Variants in CDH3 observed in about 807,000 individuals in gnomAD.
CDH3 encodes cadherin-3.
A neutral mutation model predicts 82.0 loss-of-function variants in CDH3; 54 were observed. The observed-to-expected ratio is 0.66, with a 90% CI of 0.53 to 0.83. The LOEUF is 0.83. CDH3 is among the 40% of genes least tolerant of loss of function. The probability of loss-of-function intolerance (pLI) is 0.00; values close to 1 mark genes in which losing one functional copy is unlikely to be tolerated. For missense variants in CDH3, 1,054 were observed against 1,084.6 expected (o/e 0.97, Z 0.40); for synonymous variants, 446 against 437.9 (o/e 1.02, Z -0.23).
chr16:68,694,944 C>G (rs1961673166), intron 13 of CDH3, among the ~76,000 whole-genome samples: 1 of 152,132 alleles, frequency 6.6e-6, no homozygotes. Flanking sequence ...TGCATAGAGT[C>G]TGCCAGGTGA....
intron 1 of CDH3, among the ~76,000 whole-genome samples, chr16:68,714,496 C>T (rs1336144709): frequency 6.6e-6 from 1 of 152,108 alleles, no homozygotes. Context: ...CATTTTTTTC[C>T]CCAGGAAGCC....
intron 13 of CDH3, among the ~76,000 whole-genome samples, chr16:68,692,295 C>T (rs1216413422): frequency 1.3e-5 from 2 of 152,100 alleles, no homozygotes; most frequent in Non-Finnish European, 2.9e-5. Flanking sequence ...CCTTGGCCTC[C>T]CAAAATGCTG....
intron 11 of CDH3, among the ~76,000 whole-genome samples, chr16:68,685,836 G>A (rs969578330): frequency 1.3e-5 from 2 of 152,118 alleles, no homozygotes; most frequent in Non-Finnish European, 2.9e-5. Flanking sequence ...ACTGATCCTA[G>A]GGACTGGCCA....
At chr16:68,662,854 A>AT (rs977486553) in intron 2 of CDH3, among the ~76,000 whole-genome samples, 3 of 110,754 alleles carry the variant, frequency 2.7e-5, no homozygotes, top group Admixed American at 2.1e-4. Flanking sequence ...AGGCTGGTGG[A>AT]TTTTTTAAAG....
At chr16:68,693,340 A>C (rs183465104) in intron 13 of CDH3, among the ~76,000 whole-genome samples, 21 of 152,200 alleles carry the variant, frequency 1.4e-4, no homozygotes, top group Non-Finnish European at 2.8e-4. Context: ...GGCTGTAGCC[A>C]TAATCCAGGG....
At chr16:68,663,590 A>G (rs774055738) in intron 2 of CDH3, among the ~76,000 whole-genome samples, 5 of 151,814 alleles carry the variant, frequency 3.3e-5, no homozygotes, top group African/African-American at 4.8e-5. Flanking sequence ...TTTTTAAGAG[A>G]TTCATCTTTT....
At chr16:68,671,521 CTTTT>C (rs34475405) in intron 2 of CDH3, among the ~76,000 whole-genome samples, 279 of 122,002 alleles carry the variant, frequency 2.3e-3, no homozygotes, top group Middle Eastern at 9.9e-3. Context: ...TTCATTTTAC[CTTTT>C]TTTTTTTTTT....
chr16:68,704,203 C>T (rs993848496), downstream of CDH3, among the ~76,000 whole-genome samples: 1 of 151,006 alleles, frequency 6.6e-6, no homozygotes, highest in Non-Finnish European at 1.5e-5. Context: ...AGGAGAATGG[C>T]GTGAACCCGG....
chr16:68,733,603 A>G, the CDH3 span, among the ~76,000 whole-genome samples: 2 of 152,328 alleles, frequency 1.3e-5, no homozygotes, highest in East Asian at 1.9e-4. Context: ...TTAGCCAGAC[A>G]TGGTGACGTG....
At chr16:68,679,033 T>A (rs1961126368) in intron 6 of CDH3, 127 bp downstream of exon 6, 12 of 924,144 alleles carry the variant, frequency 1.3e-5, no homozygotes, top group Non-Finnish European at 5.0e-6. Context: ...AAATCCAGAT[T>A]TCCCCCCTTC....
intron 2 of CDH3, among the ~76,000 whole-genome samples, chr16:68,655,455 C>T (rs1277066506): frequency 6.6e-6 from 1 of 152,160 alleles, no homozygotes; most frequent in Non-Finnish European, 1.5e-5. Flanking sequence ...TGGGAATTCA[C>T]TAGTGAACAA....
exon 2 of CDH3, chr16:68,722,429 T>C (rs1422006218): frequency 1.3e-5 from 2 of 152,236 alleles, no homozygotes; most frequent in African/African-American, 4.8e-5. Flanking sequence ...GCCCAGGTTT[T>C]ATTGCTCTGC....
At chr16:68,691,473 C>A (rs1383561927) in intron 12 of CDH3, among the ~76,000 whole-genome samples, 1 of 152,158 alleles carries the variant, frequency 6.6e-6, no homozygotes, top group South Asian at 2.1e-4. Flanking sequence ...TATAAAAATA[C>A]TGTGATTATT....
chr16:68,713,890 C>T (rs1225259219), intron 1 of CDH3, among the ~76,000 whole-genome samples: 1 of 151,358 alleles, frequency 6.6e-6, no homozygotes, highest in African/African-American at 2.4e-5. Flanking sequence ...CACCCCATCC[C>T]TGCCCAAATC....
chr16:68,696,462 A>G (rs1961724141), intron 15 of CDH3: 1 of 214,956 alleles, frequency 4.7e-6, no homozygotes, highest in Admixed American at 5.2e-5. Flanking sequence ...ACAGTGCCTC[A>G]CGCCTGTAAT....
intron 1 of CDH3, among the ~76,000 whole-genome samples, chr16:68,706,135 A>G (rs1014372764): frequency 5.3e-5 from 8 of 152,078 alleles, no homozygotes; most frequent in Admixed American, 2.0e-4. Context: ...TAGGGCCCAC[A>G]TACCAAATGT....
At position 68,676,445 on chromosome 16, in the gene CDH3, C is replaced by T; in HGVS notation, c.221C>T (p.Thr74Ile). 1 of 1,613,838 alleles carries T rather than the reference C, an allele frequency of 6.2e-7. No individual in the cohort carries two copies. ...TTTAGCACTGATAATGATGACTTCA[C>T]TGTGCGGAATGGCGAGACAGTCCAG... ...ALFSTDNDDFTVRNGETVQER... is the reference protein window; with the variant it reads ...ALFSTDNDDFIVRNGETVQER... Residue 74 changes from threonine (T) to isoleucine (I), a missense_variant, in exon 3 of 16, where the codon ACT becomes ATT. Transcript: ENST00000264012.
chr16:68,663,530 G>A (rs1960654634), intron 2 of CDH3, among the ~76,000 whole-genome samples: 1 of 151,986 alleles, frequency 6.6e-6, no homozygotes, highest in South Asian at 2.1e-4. Flanking sequence ...CACCACGCCT[G>A]GCCGAAAGTG....
chr16:68,658,356 G>C lies in CDH3; in HGVS notation c.160+12606G>C, dbSNP rs566184366. Among the ~76,000 whole-genome samples the C allele has an allele frequency of 8.1e-3, 1,237 of 152,254 alleles. 15 individuals are homozygous for C. The highest frequency in any genetic ancestry group is 0.029 in the African/African-American group (1,186 of 41,544). ...GCAAGGGAAAAATGGATTCTAAGCT[G>C]TTTCTCATCCCAAATGATGTGGCCT... On this transcript the variant is annotated intron_variant, in intron 2 of 15. Transcript: ENST00000264012.
Sources: allele counts gnomAD v4.1 joint callset (sites outside exome capture counted in the v4.1 genomes callset), GRCh38; gene constraint gnomAD v4.1.1; transcripts MANE v1.5; gene names NCBI Gene and HGNC (gene_info 2026-07-23, HGNC 2026-07-21).